Variants in KDM3B observed in about 807,000 individuals in gnomAD.
KDM3B encodes the protein lysine demethylase 3B, also known as lysine-specific demethylase 3B.
Under a neutral mutation model 170.0 loss-of-function variants are expected in KDM3B, and 10 were observed. The ratio of observed to expected loss-of-function variants is 0.06; its 90% CI spans 0.04 to 0.10. The LOEUF (loss-of-function observed/expected upper bound fraction) is 0.10. Ranked by LOEUF, KDM3B falls within the 10% of genes least tolerant of loss-of-function variation. The pLI, the probability that KDM3B is intolerant of heterozygous loss-of-function variation, is 1.00. For missense variants in KDM3B, 1,394 were observed against 2,195.2 expected (o/e 0.64, Z 7.29); for synonymous variants, 831 against 834.8 (o/e 1.00, Z 0.08).
chr5:138,403,381 A>G (rs138098118), intron 11 of KDM3B, among the ~76,000 whole-genome samples: 1 of 152,302 alleles, frequency 6.6e-6, no homozygotes, highest in East Asian at 1.9e-4. Flanking sequence ...TGATAATAGA[A>G]TAGAAAAGAA....
At chr5:138,406,441 C>T (rs867848997) in intron 11 of KDM3B, among the ~76,000 whole-genome samples, 2 of 151,932 alleles carry the variant, frequency 1.3e-5, no homozygotes, top group Admixed American at 6.6e-5. Context: ...GTCAGGAGTT[C>T]GAGACCAGCC....
At chr5:138,396,259 C>T (rs1762543903) in intron 9 of KDM3B, among the ~76,000 whole-genome samples, 1 of 152,038 alleles carries the variant, frequency 6.6e-6, no homozygotes. Flanking sequence ...CCACACCCAG[C>T]TAATTTTTTA....
intron 9 of KDM3B, among the ~76,000 whole-genome samples, chr5:138,396,722 C>T (rs917131438): frequency 2.0e-5 from 3 of 151,614 alleles, no homozygotes; most frequent in African/African-American, 4.8e-5. Context: ...TCTGGCTCCT[C>T]TTTTCTCAGT....
Position 138,427,368 on chromosome 5 carries a change from T to C in KDM3B, c.4633+49T>C, listed in dbSNP as rs570809413. ...CTCTTTTGGGGGACTGTTGTTCTTA[T>C]TTCAACTATAGAAGGATATCTGTGG... On this transcript the variant is annotated intron_variant, in intron 19 of 23. Transcript: ENST00000314358. 334 of 1,578,964 alleles carry C rather than the reference T, an allele frequency of 2.1e-4. 3 individuals carry two copies. In the South Asian group the frequency reaches 3.5e-3, roughly 16 times the overall value.
At chr5:138,405,301 A>G (rs546034675) in intron 11 of KDM3B, among the ~76,000 whole-genome samples, 83 of 152,076 alleles carry the variant, frequency 5.5e-4, no homozygotes, top group Non-Finnish European at 1.0e-3. Flanking sequence ...CCAGCCTCCC[A>G]AAGTGCTGGG....
chr5:138,385,981 T>C, intron 6 of KDM3B, 41 bp from the exon 7 acceptor site: 1 of 1,554,714 alleles, frequency 6.4e-7, no homozygotes. Flanking sequence ...ATTCACAGGA[T>C]GAAAGTTTCC....
At chr5:138,414,541 C>G (rs1440691226) in intron 11 of KDM3B, among the ~76,000 whole-genome samples, 4 of 152,128 alleles carry the variant, frequency 2.6e-5, no homozygotes, top group African/African-American at 9.7e-5. Flanking sequence ...TACAAAGAGC[C>G]TGAGAGAACT....
At position 138,372,671 on chromosome 5, in the gene KDM3B, C is replaced by T. The variant is rs752454678; in HGVS notation, c.193-3C>T. On this transcript the variant is annotated splice_region_variant and splice_polypyrimidine_tract_variant and intron_variant, in intron 1 of 23. Coordinates refer to ENST00000314358, the MANE Select transcript of KDM3B (RefSeq NM_016604.4). ...CTTCCAAACTGCTTTTTATCTCTTG[C>T]AGATCTTTGTAGAATTTGATGGCTG... The T allele has an allele frequency of 6.2e-7, 1 of 1,610,280 alleles. No individual in the cohort carries two copies. Among genetic ancestry groups the T allele is most frequent in the East Asian group, 2.2e-5 (1 of 44,766 alleles).
chr5:138,381,269 A>T (rs1375272617), intron 5 of KDM3B, among the ~76,000 whole-genome samples: 1 of 152,214 alleles, frequency 6.6e-6, no homozygotes, highest in Non-Finnish European at 1.5e-5. Context: ...TTCAGAATTA[A>T]CATCGCTAAA....
At chr5:138,392,536 A>C (rs1762461119) in intron 8 of KDM3B, among the ~76,000 whole-genome samples, 1 of 152,218 alleles carries the variant, frequency 6.6e-6, no homozygotes, top group South Asian at 2.1e-4. Context: ...ATTTTTGGTC[A>C]GGAACTATTT....
At chr5:138,406,906 G>T (rs576932206) in intron 11 of KDM3B, among the ~76,000 whole-genome samples, 5 of 150,068 alleles carry the variant, frequency 3.3e-5, no homozygotes, top group Admixed American at 6.7e-5. Flanking sequence ...TAAAAAAAAA[G>T]AATGTGAGGA....
intron 1 of KDM3B, among the ~76,000 whole-genome samples, chr5:138,371,059 G>A (rs894385557): frequency 1.1e-4 from 17 of 152,084 alleles, no homozygotes; most frequent in Non-Finnish European, 1.3e-4. Flanking sequence ...CACCCGCCTC[G>A]GCCTCCCAAA....
At position 138,427,105 on chromosome 5, in the gene KDM3B, C is replaced by A. The variant is rs1246900905; in HGVS notation, c.4502+40C>A. 8.1e-6 allele frequency: 13 copies of A among 1,608,774 alleles called. No homozygotes were observed. In the South Asian group the frequency reaches 1.2e-4, roughly 15 times the overall value. On this transcript the variant is annotated intron_variant, in intron 18 of 23. Transcript: ENST00000314358. The stretch of plus-strand genomic sequence containing the variant: ...GTGGTGTCATCTTCAGAAGCCATCA[C>A]AAAGTAATCACAGAAAAGTGAAATT...
At chr5:138,426,852 G>C (rs1269926089) in intron 17 of KDM3B, 123 bp from the exon 18 acceptor site, 2 of 687,946 alleles carry the variant, frequency 2.9e-6, no homozygotes, top group Non-Finnish European at 2.4e-6. Flanking sequence ...GACAGAGCAA[G>C]ACTCTGTCTC....
intron 12 of KDM3B, 69 bp from the exon 13 acceptor site, chr5:138,417,414 A>G: frequency 6.8e-7 from 1 of 1,476,694 alleles, no homozygotes; most frequent in East Asian, 2.3e-5. Flanking sequence ...TGTAAAGAAC[A>G]CTCTTAGCAC....
At chr5:138,376,750 G>T (rs1762009991) in intron 3 of KDM3B, among the ~76,000 whole-genome samples, 1 of 151,530 alleles carries the variant, frequency 6.6e-6, no homozygotes, top group African/African-American at 2.4e-5. Flanking sequence ...GCTTCTCCGA[G>T]GTGGCTGTTT....
At chr5:138,396,912 A>T (rs1762561697) in intron 9 of KDM3B, among the ~76,000 whole-genome samples, 1 of 152,180 alleles carries the variant, frequency 6.6e-6, no homozygotes, top group Non-Finnish European at 1.5e-5. Flanking sequence ...AAGGCCAGGC[A>T]CAGTGGCTTA....
At chr5:138,363,760 A>G (rs1415922132) in intron 1 of KDM3B, among the ~76,000 whole-genome samples, 2 of 151,970 alleles carry the variant, frequency 1.3e-5, no homozygotes, top group Non-Finnish European at 2.9e-5. Flanking sequence ...GTTAGCCAGG[A>G]TGGCCTCGAT....
intron 1 of KDM3B, among the ~76,000 whole-genome samples, chr5:138,356,158 T>C (rs1201907579): frequency 6.6e-6 from 1 of 152,242 alleles, no homozygotes; most frequent in Admixed American, 6.5e-5. Flanking sequence ...TAAAGTTTTT[T>C]TGGCAGTATA....
Sources: gnomAD v4.1 joint callset for allele counts (sites outside exome capture counted in the v4.1 genomes callset) on GRCh38, gnomAD v4.1.1 for gene constraint, MANE v1.5 for transcripts, NCBI Gene and HGNC (gene_info 2026-07-23, HGNC 2026-07-21) for gene names.